Variants in TMPRSS9 observed in about 807,000 individuals in gnomAD.
TMPRSS9 encodes transmembrane serine protease 9.
Under a neutral mutation model 111.4 loss-of-function variants are expected in TMPRSS9, and 113 were observed. The observed-to-expected ratio is 1.01, with a 90% CI of 0.87 to 1.19. The LOEUF is 1.19. Ranked by LOEUF, TMPRSS9 falls within the 50% of genes most tolerant of loss-of-function variation. The probability of loss-of-function intolerance (pLI) is 0.00; values close to 1 mark genes in which losing one functional copy is unlikely to be tolerated. For missense variants in TMPRSS9, 1,803 were observed against 1,513.1 expected (o/e 1.19, Z -3.18); for synonymous variants, 805 against 659.1 (o/e 1.22, Z -3.39).
At chr19:2,364,803 C>T (rs901390750) in intron 1 of TMPRSS9, among the ~76,000 whole-genome samples, 6 of 151,512 alleles carry the variant, frequency 4.0e-5, no homozygotes, top group African/African-American at 1.5e-4. Context: ...GGCTAACACG[C>T]TGAAACCCCA....
At chr19:2,408,009 C>T (rs1161800563) in intron 7 of TMPRSS9, among the ~76,000 whole-genome samples, 2 of 152,022 alleles carry the variant, frequency 1.3e-5, no homozygotes, top group African/African-American at 2.4e-5. Flanking sequence ...GTCTTGAATT[C>T]CTGCCTTCGT....
intron 1 of TMPRSS9, among the ~76,000 whole-genome samples, chr19:2,376,359 G>C (rs557526019): frequency 6.6e-6 from 1 of 152,100 alleles, no homozygotes; most frequent in Non-Finnish European, 1.5e-5. Flanking sequence ...TTGCAGAGTC[G>C]CTTTGGCCAT....
At chr19:2,406,555 G>A (rs528862800) in intron 7 of TMPRSS9, among the ~76,000 whole-genome samples, 7 of 146,966 alleles carry the variant, frequency 4.8e-5, no homozygotes, top group African/African-American at 1.5e-4. Context: ...GGCTGGTCTC[G>A]AACTCCTGTC....
At chr19:2,422,697 C>T (rs554722741) in intron 14 of TMPRSS9, among the ~76,000 whole-genome samples, 1 of 152,204 alleles carries the variant, frequency 6.6e-6, no homozygotes, top group Admixed American at 6.5e-5. Flanking sequence ...ACCAGCCTGG[C>T]CAACATGGTG....
rs8100868 is a variant in TMPRSS9 at position 2,407,824 on chromosome 19, G to A, written c.843-532G>A. On this transcript the variant is annotated intron_variant, in intron 7 of 17. Transcript: ENST00000648592. ...TTCTGAGACAGAGTCTTGCTCTGTC[G>A]CCCAGGCTGGAGTGCAGTGGCACAA... Among the ~76,000 whole-genome samples the A allele has an allele frequency of 6.8e-3, 1,028 of 151,492 alleles. 14 individuals carry two copies. Among genetic ancestry groups the A allele is most frequent in the African/African-American group, 0.023 (959 of 41,302 alleles).
rs368556412 is a variant in TMPRSS9, at chr19:2,419,272, T to C, written c.2154+1134T>C. Reference sequence around the variant, plus strand: ...AGGCTGGAGTGCAGTGGTGCGATCTTGGCTCACTGCAACCTCCGCCTCCCA... The same window carrying C: ...AGGCTGGAGTGCAGTGGTGCGATCTCGGCTCACTGCAACCTCCGCCTCCCA... On this transcript the variant is annotated intron_variant, in intron 13 of 17. Coordinates refer to ENST00000648592, the Ensembl canonical transcript of TMPRSS9. 1.7e-3 allele frequency among the ~76,000 whole-genome samples: 239 copies of C among 141,830 alleles called. 2 individuals are homozygous for C. The highest frequency in any genetic ancestry group is 5.0e-3 in the African/African-American group (189 of 38,180). 93.0% of individuals were successfully genotyped at this position (141,830 alleles called of 152,430 possible). A position where few individuals can be genotyped will look rare whatever the true frequency, so the allele number is the denominator to read the frequency against.
At chr19:2,394,688 C>T (rs1261573568) in intron 1 of TMPRSS9, among the ~76,000 whole-genome samples, 1 of 152,178 alleles carries the variant, frequency 6.6e-6, no homozygotes, top group Non-Finnish European at 1.5e-5. Flanking sequence ...AAATACCCAT[C>T]TAGCATATCT....
exon 8 of TMPRSS9, chr19:2,408,550 G>C (rs1267653552): frequency 6.2e-7 from 1 of 1,613,636 alleles, no homozygotes; most frequent in Admixed American, 1.7e-5. Flanking sequence ...CAGCCCGTGT[G>C]CCTCCCGGCT....
chr19:2,377,463 TC>T (rs1427978134), intron 1 of TMPRSS9, among the ~76,000 whole-genome samples: 1 of 67,536 alleles, frequency 1.5e-5, no homozygotes, highest in Non-Finnish European at 2.7e-5. Context: ...CCCTCCCCTC[TC>T]CCCTCTCCCC....
chr19:2,401,979 AC>A lies in TMPRSS9; in HGVS notation c.520del (p.His174IlefsTer28). 1 of 1,610,406 alleles carries A rather than the reference AC, an allele frequency of 6.2e-7. No individual in the cohort carries two copies. Among genetic ancestry groups the A allele is most frequent in the South Asian group, 1.1e-5 (1 of 90,970 alleles). On this transcript the variant is annotated frameshift_variant, in exon 5 of 18. Transcript: ENST00000648592. LOFTEE classifies it high-confidence loss of function. Reference sequence around the variant, plus strand: ...ATCTTCTCTGTTTTGTTGCAGGGAGACATAAGGGACCCTTGGCAGAAAGAGA... The same window carrying A: ...ATCTTCTCTGTTTTGTTGCAGGGAGAATAAGGGACCCTTGGCAGAAAGAGA...
chr19:2,415,234 CGCGCCCGGCCA>C (rs1971199950), intron 10 of TMPRSS9, among the ~76,000 whole-genome samples: 2 of 152,166 alleles, frequency 1.3e-5, no homozygotes, highest in East Asian at 3.9e-4. Flanking sequence ...CATGAGCCAC[CGCGCCCGGCCA>C]TGCTTCATTT....
chr19:2,368,774 G>GTTTGTTTTTTTTTT (rs1970265977), intron 1 of TMPRSS9, among the ~76,000 whole-genome samples: 6 of 70,364 alleles, frequency 8.5e-5, no homozygotes, highest in African/African-American at 3.6e-4. Flanking sequence ...GATAAACCCA[G>GTTTGTTTTTTTTTT]TTTTTTTTTT....
At chr19:2,384,097 G>A (rs952702885) in intron 1 of TMPRSS9, among the ~76,000 whole-genome samples, 1 of 152,068 alleles carries the variant, frequency 6.6e-6, no homozygotes, top group Admixed American at 6.6e-5. Flanking sequence ...GGCACGTCCA[G>A]GGGACCCCGC....
intron 1 of TMPRSS9, among the ~76,000 whole-genome samples, chr19:2,366,062 A>G (rs547009683): frequency 6.6e-6 from 1 of 152,318 alleles, no homozygotes; most frequent in East Asian, 1.9e-4. Context: ...TTTGGGTTTT[A>G]TTGAAACTGC....
At chr19:2,395,444 G>A (rs1970686140) in intron 1 of TMPRSS9, among the ~76,000 whole-genome samples, 1 of 151,004 alleles carries the variant, frequency 6.6e-6, no homozygotes, top group Admixed American at 6.6e-5. Flanking sequence ...AAACAAACAA[G>A]GCCGGGCGCG....
chr19:2,413,847 G>C, exon 10 of TMPRSS9: 1 of 1,613,708 alleles, frequency 6.2e-7, no homozygotes, highest in Non-Finnish European at 8.5e-7. Context: ...GATCCTGGAG[G>C]CCACCACCAA....
chr19:2,421,500 G>T (rs1971461612), intron 13 of TMPRSS9, among the ~76,000 whole-genome samples: 1 of 151,834 alleles, frequency 6.6e-6, no homozygotes, highest in Non-Finnish European at 1.5e-5. Context: ...TGTTGGTCAG[G>T]CTGGCCTGGA....
chr19:2,377,293 A>ATATG (rs1005280037), intron 1 of TMPRSS9, among the ~76,000 whole-genome samples: 29 of 65,120 alleles, frequency 4.5e-4, no homozygotes, highest in Non-Finnish European at 5.0e-4. Context: ...ATGTATGTAT[A>ATATG]TATGTATGTA....
At chr19:2,383,216 T>C (rs1390805418) in intron 1 of TMPRSS9, among the ~76,000 whole-genome samples, 2 of 151,852 alleles carry the variant, frequency 1.3e-5, no homozygotes, top group Non-Finnish European at 2.9e-5. Context: ...TAGCCAGGCA[T>C]GGTGGCAGGC....
Sources: gnomAD v4.1 joint callset for allele counts (sites outside exome capture counted in the v4.1 genomes callset) on GRCh38, gnomAD v4.1.1 for gene constraint, MANE v1.5 for transcripts, NCBI Gene and HGNC (gene_info 2026-07-23, HGNC 2026-07-21) for gene names.